Variants in NFXL1 observed in about 807,000 individuals in gnomAD.
NFXL1 encodes the protein NF-X1-type zinc finger protein NFXL1.
In NFXL1, 66 loss-of-function variants were observed where a neutral mutation model predicts 123.3. The observed-to-expected ratio is 0.54, with a 90% CI of 0.44 to 0.66. The LOEUF (loss-of-function observed/expected upper bound fraction) is 0.66, where lower values mean the gene tolerates loss of function less well. Ranked by LOEUF, NFXL1 falls within the 30% of genes least tolerant of loss-of-function variation. The pLI is 0.00. For synonymous variants in NFXL1, 346 were observed against 360.8 expected (o/e 0.96, Z 0.46); for missense variants, 944 against 1,125.6 (o/e 0.84, Z 2.31).
chr4:47,856,698 G>T (rs754724639), intron 19 of NFXL1, among the ~76,000 whole-genome samples: 18 of 152,116 alleles, frequency 1.2e-4, no homozygotes, highest in Non-Finnish European at 2.4e-4. Context: ...ACTAAATTCA[G>T]ATCACTCACA....
At chr4:47,865,839 AC>A (rs1735030229) in intron 18 of NFXL1, among the ~76,000 whole-genome samples, 1 of 151,858 alleles carries the variant, frequency 6.6e-6, no homozygotes, top group African/African-American at 2.4e-5. Flanking sequence ...ACATGGCAAA[AC>A]CCCGTCTCTA....
intron 7 of NFXL1, 33 bp from the exon 8 acceptor site, chr4:47,898,890 A>G (rs1737240289): frequency 1.2e-6 from 2 of 1,608,616 alleles, no homozygotes; most frequent in African/African-American, 2.7e-5. Flanking sequence ...GCACAGAAAC[A>G]TAAAAGCAAT....
At chr4:47,873,471 G>A (rs559218694) in intron 18 of NFXL1, among the ~76,000 whole-genome samples, 2 of 152,234 alleles carry the variant, frequency 1.3e-5, no homozygotes, top group African/African-American at 4.8e-5. Flanking sequence ...TAGCAGGCAC[G>A]AACACAACAT....
intron 12 of NFXL1, among the ~76,000 whole-genome samples, chr4:47,888,701 C>G (rs1736599093): frequency 6.6e-6 from 1 of 151,048 alleles, no homozygotes; most frequent in Non-Finnish European, 1.5e-5. Flanking sequence ...AACTCAGACT[C>G]TGAGAAACTA....
chr4:47,852,971 T>C (rs1055528494), intron 20 of NFXL1, among the ~76,000 whole-genome samples: 3 of 151,894 alleles, frequency 2.0e-5, no homozygotes, highest in Admixed American at 2.0e-4. Flanking sequence ...GAGGGTTTTT[T>C]TTTTTTTATT....
At chr4:47,895,685 G>A (rs1332678209) in intron 10 of NFXL1, among the ~76,000 whole-genome samples, 1 of 152,180 alleles carries the variant, frequency 6.6e-6, no homozygotes, top group Non-Finnish European at 1.5e-5. Context: ...GATCTTGTTT[G>A]CAGACCTCTA....
chr4:47,865,535 A>G (rs180703094), intron 18 of NFXL1, among the ~76,000 whole-genome samples: 104 of 151,888 alleles, frequency 6.8e-4, no homozygotes, highest in African/African-American at 2.2e-3. Flanking sequence ...CAAGCTCCCA[A>G]TGCAAGTATT....
At chr4:47,863,201 T>G (rs557423622) in intron 18 of NFXL1, among the ~76,000 whole-genome samples, 3 of 151,988 alleles carry the variant, frequency 2.0e-5, no homozygotes, top group Admixed American at 2.0e-4. Context: ...CTCTCTTTAA[T>G]AGTTCCTGTA....
intron 5 of NFXL1, among the ~76,000 whole-genome samples, chr4:47,901,402 C>T (rs1255017788): frequency 8.6e-5 from 13 of 151,948 alleles, no homozygotes; most frequent in Admixed American, 8.5e-4. Flanking sequence ...TTTTTTTTAA[C>T]TGATCCTTTC....
chr4:47,903,296 T>C lies in NFXL1; in HGVS notation c.544A>G (p.Ile182Val), dbSNP rs375175288. The C allele has an allele frequency of 5.0e-6, 8 of 1,589,306 alleles. No homozygotes were observed. The highest frequency in any genetic ancestry group is 1.7e-4 in the Middle Eastern group (1 of 5,986). ...TTCTGGATACAGGGCATGTGAAATA[T>C]ACAGAAACATCCCGAACAGCTCCAA... ...AVWSCSGCFC[I>V]FHMPCIQKWA... Residue 182 changes from isoleucine to valine, a missense_variant, in exon 5 of 23, where the codon ATA (isoleucine) becomes GTA (valine). This residue lies in a region of NFXL1 where 303 missense variants were observed against 292.1 expected (regional missense o/e 1.04). Coordinates refer to ENST00000507489, the MANE Select transcript of NFXL1 (RefSeq NM_001278624.2).
At chr4:47,849,510 A>C (rs1454423430) in intron 22 of NFXL1, among the ~76,000 whole-genome samples, 2 of 152,206 alleles carry the variant, frequency 1.3e-5, no homozygotes, top group African/African-American at 4.8e-5. Context: ...TGTGGTCATA[A>C]ACCACACTTG....
At chr4:47,878,181 T>G (rs1358512321) in intron 17 of NFXL1, among the ~76,000 whole-genome samples, 1 of 151,346 alleles carries the variant, frequency 6.6e-6, no homozygotes, top group Non-Finnish European at 1.5e-5. Context: ...AACTCAGATA[T>G]GAACAGAGAG....
rs981363328 is a variant in NFXL1, at chr4:47,874,917, G to A, written c.2246+210C>T. Reference sequence around the variant, plus strand: ...ATAACAAAATCTTATACAGAATCCCGAAATGGAAAAAAAGCACAATTTCCC... The same window carrying A: ...ATAACAAAATCTTATACAGAATCCCAAAATGGAAAAAAAGCACAATTTCCC... On this transcript the variant is annotated intron_variant, in intron 18 of 22. Transcript: ENST00000507489. 3.3e-5 allele frequency among the ~76,000 whole-genome samples: 5 copies of A among 151,788 alleles called. No homozygotes were observed. In the East Asian group the frequency reaches 9.6e-4, roughly 29 times the overall value.
At chr4:47,902,262 C>A (rs1050498929) in intron 5 of NFXL1, among the ~76,000 whole-genome samples, 1 of 152,070 alleles carries the variant, frequency 6.6e-6, no homozygotes, top group Admixed American at 6.5e-5. Flanking sequence ...CCACACAGAG[C>A]CCATGAAGCT....
At chr4:47,868,870 A>G (rs1489013088) in intron 18 of NFXL1, among the ~76,000 whole-genome samples, 2 of 152,236 alleles carry the variant, frequency 1.3e-5, no homozygotes, top group Admixed American at 1.3e-4. Flanking sequence ...TGTATGACAT[A>G]TAACAGCTTA....
chr4:47,850,505 G>A (rs1560577193), intron 22 of NFXL1, among the ~76,000 whole-genome samples: 1 of 151,994 alleles, frequency 6.6e-6, no homozygotes, highest in Non-Finnish European at 1.5e-5. Flanking sequence ...CTATTAGAAA[G>A]TCAAGCCACT....
At chr4:47,907,811 T>C (rs1737630272) in intron 3 of NFXL1, among the ~76,000 whole-genome samples, 1 of 152,222 alleles carries the variant, frequency 6.6e-6, no homozygotes, top group African/African-American at 2.4e-5. Flanking sequence ...TAAAATAAAA[T>C]GACTCTATCT....
At position 47,865,256 on chromosome 4, in the gene NFXL1, G is replaced by A. The variant is rs541914691; in HGVS notation, c.2247-2341C>T. On this transcript the variant is annotated intron_variant, in intron 18 of 22. Transcript: ENST00000507489. ...ATAATTCACTGAATTGAAAGCAAAC[G>A]AAATTATTAGAACTGAAGCGATAGA... Among the ~76,000 whole-genome samples the A allele has an allele frequency of 8.5e-5, 13 of 152,122 alleles. 1 individual carries two copies. The highest frequency in any genetic ancestry group is 1.9e-4 in the East Asian group (1 of 5,174).
At chr4:47,884,960 C>G (rs1352091809) in intron 14 of NFXL1, among the ~76,000 whole-genome samples, 1 of 151,746 alleles carries the variant, frequency 6.6e-6, no homozygotes, top group Non-Finnish European at 1.5e-5. Context: ...AACCCCATCT[C>G]TACTAAAACT....
Sources: gnomAD v4.1 joint callset for allele counts (sites outside exome capture counted in the v4.1 genomes callset) on GRCh38, gnomAD v4.1.1 for gene constraint, gnomAD v4.1.1 regional missense constraint, MANE v1.5 for transcripts, NCBI Gene and HGNC (gene_info 2026-07-23, HGNC 2026-07-21) for gene names.